The following GAD1 variants were observed in gnomAD, a reference collection of about 807,000 sequenced individuals.
GAD1 encodes glutamate decarboxylase 1.
In GAD1, 35 loss-of-function variants were observed where a neutral mutation model predicts 75.2. The ratio of observed to expected loss-of-function variants is 0.47; its 90% CI spans 0.36 to 0.62. The LOEUF (loss-of-function observed/expected upper bound fraction) is 0.62. Among genes scored for constraint, GAD1 ranks in the 20% least tolerant of loss-of-function variants. The pLI, the probability that GAD1 is intolerant of heterozygous loss-of-function variation, is 0.00. For synonymous variants in GAD1, 257 were observed against 271.9 expected (o/e 0.95, Z 0.54); for missense variants, 490 against 758.5 (o/e 0.65, Z 4.16).
intron 6 of GAD1, 148 bp from the exon 7 acceptor site, chr2:170,843,897 G>A: frequency 6.1e-6 from 4 of 650,476 alleles, no homozygotes; most frequent in South Asian, 3.4e-5. Flanking sequence ...GCGACTTAAT[G>A]CATTTCCAGG....
intron 14 of GAD1, among the ~76,000 whole-genome samples, chr2:170,854,685 G>A (rs370390356): frequency 4.6e-5 from 7 of 152,226 alleles, no homozygotes; most frequent in Admixed American, 3.9e-4. Flanking sequence ...GATTACAGGC[G>A]TGAGCCACCG....
chr2:170,813,745 C>T (rs558858567), upstream of GAD1, among the ~76,000 whole-genome samples: 9 of 152,324 alleles, frequency 5.9e-5, no homozygotes, highest in East Asian at 1.7e-3. Context: ...CCCCACCCAC[C>T]CACGACGGGG....
chr2:170,832,822 T>G (rs1369278499), intron 5 of GAD1, among the ~76,000 whole-genome samples: 1 of 152,342 alleles, frequency 6.6e-6, no homozygotes, highest in East Asian at 1.9e-4. Flanking sequence ...CCAGGAGCTC[T>G]CTCTAATCAG....
In GAD1 at chr2:170,831,044, T is replaced by G; in HGVS notation, c.399T>G (p.Asp133Glu). 1 of 1,614,198 alleles carries G rather than the reference T, an allele frequency of 6.2e-7. No homozygotes were observed. The highest frequency in any genetic ancestry group is 8.5e-7 in the Non-Finnish European group (1 of 1,180,044). Residue 133 changes from aspartate to glutamate, a missense_variant, in exon 5 of 17, where the codon GAT becomes GAG. Physicochemically the swap from Asp to Glu is conservative, Grantham distance 45 (BLOSUM62 2). Around this residue, in one of 3 missense-constraint regions of GAD1, gnomAD observed 165 missense variants for 216.4 expected, o/e 0.76. Coordinates refer to ENST00000358196, the MANE Select transcript of GAD1 (RefSeq NM_000817.3). ...ILLNYVRKTF[D>E]RSTKVLDFHH... ...TCAACTATGTCCGCAAGACATTTGA[T>G]CGCTCCACCAAGGTGCTGGACTTTC...
chr2:170,850,041 G>A (rs1027629925), intron 12 of GAD1, among the ~76,000 whole-genome samples: 1 of 152,220 alleles, frequency 6.6e-6, no homozygotes, highest in African/African-American at 2.4e-5. Context: ...GATTCGTTCA[G>A]CATGTATTTA....
intron 6 of GAD1, chr2:170,842,586 A>G (rs372248912): frequency 1.9e-6 from 3 of 1,613,974 alleles, no homozygotes; most frequent in Non-Finnish European, 2.5e-6. Flanking sequence ...GACATGAGGG[A>G]GTGTTGGTTG....
chr2:170,823,612 C>A (rs1218754792), intron 3 of GAD1, among the ~76,000 whole-genome samples: 2 of 152,154 alleles, frequency 1.3e-5, no homozygotes, highest in African/African-American at 4.8e-5. Context: ...CCGGCGGCCG[C>A]GGATCTTTGT....
In GAD1 at chr2:170,818,520, T is replaced by C; in HGVS notation, c.-63-9T>C. On this transcript the variant is annotated splice_polypyrimidine_tract_variant and intron_variant, in intron 1 of 16. Coordinates refer to ENST00000358196, the MANE Select transcript of GAD1 (RefSeq NM_000817.3). This position sits in a 1 kb window ranked among gnomAD's most constrained non-coding sequence, Gnocchi z 5.9. ...GTCCTCCCCGCACAGCTCTCGCTTC[T>C]CTTTGCAGCCTGTTTCTGCGCCGGA... is the stretch of plus-strand genomic sequence containing the variant. The C allele has an allele frequency of 7.0e-7, 1 of 1,419,194 alleles. No individual in the cohort carries two copies. Among genetic ancestry groups the C allele is most frequent in the Non-Finnish European group, 1.0e-6 (1 of 1,002,520 alleles). The allele number at this position is 1,419,194 out of a possible 1,614,324, so 87.9% of individuals were successfully genotyped here. A position where few individuals can be genotyped will look rare whatever the true frequency, so the allele number is the denominator to read the frequency against.
chr2:170,847,885 G>A (rs1702668006), intron 11 of GAD1, 93 bp downstream of exon 11: 5 of 836,348 alleles, frequency 6.0e-6, no homozygotes, highest in South Asian at 5.3e-5. Context: ...GCCCCAGCCA[G>A]CCCTCTCTCC....
At chr2:170,815,311 T>G (rs1339867812), upstream of GAD1, among the ~76,000 whole-genome samples, 1 of 152,186 alleles carries the variant, frequency 6.6e-6, no homozygotes, top group Non-Finnish European at 1.5e-5. Context: ...ATGTTTTTTG[T>G]GTCCTTAAAA....
intron 6 of GAD1, among the ~76,000 whole-genome samples, chr2:170,839,606 T>A (rs1575438037): frequency 7.0e-6 from 1 of 142,596 alleles, no homozygotes; most frequent in Admixed American, 7.1e-5. Flanking sequence ...AGAACGAGAC[T>A]CCATCTCAAA....
At chr2:170,829,301 C>G (rs1240260827) in intron 3 of GAD1, 174 bp from the exon 4 acceptor site, 7 of 696,908 alleles carry the variant, frequency 1.0e-5, no homozygotes, top group African/African-American at 3.5e-5. Flanking sequence ...GGCACTGCCC[C>G]CCTCCCTGCC....
chr2:170,856,715 G>A (rs1354375421), intron 14 of GAD1, among the ~76,000 whole-genome samples: 1 of 152,126 alleles, frequency 6.6e-6, no homozygotes, highest in Non-Finnish European at 1.5e-5. Flanking sequence ...CAGTTGTGGA[G>A]TGGCCTCAGT....
Position 170,858,897 on chromosome 2 carries a change from T to C in GAD1, c.1611+4T>C, listed in dbSNP as rs773226578. On this transcript the variant is annotated splice_donor_region_variant and intron_variant, in intron 16 of 16. Coordinates refer to ENST00000358196, the MANE Select transcript of GAD1 (RefSeq NM_000817.3). Reference sequence around the variant, plus strand: ...ACGACGGGAAAAGCTACACAAGGTATGGACTTGCTTTTTGTCTCATCTAAT... The same window carrying C: ...ACGACGGGAAAAGCTACACAAGGTACGGACTTGCTTTTTGTCTCATCTAAT... 7 of 1,613,594 alleles carry C rather than the reference T, an allele frequency of 4.3e-6. No homozygotes were observed. Among genetic ancestry groups the C allele is most frequent in the Non-Finnish European group, 5.9e-6 (7 of 1,179,500 alleles).
intron 6 of GAD1, among the ~76,000 whole-genome samples, chr2:170,841,689 C>T (rs1305515734): frequency 1.3e-5 from 2 of 152,224 alleles, no homozygotes; most frequent in Admixed American, 1.3e-4. Flanking sequence ...GAATGAAGAA[C>T]ACCATGTCAG....
At chr2:170,822,802 G>A (rs1426005576) in intron 3 of GAD1, among the ~76,000 whole-genome samples, 5 of 152,226 alleles carry the variant, frequency 3.3e-5, no homozygotes, top group Non-Finnish European at 7.3e-5. Flanking sequence ...CCTGAGGGAG[G>A]CACGAGGGTT....
intron 5 of GAD1, among the ~76,000 whole-genome samples, chr2:170,832,392 C>T (rs1702253366): frequency 6.6e-6 from 1 of 152,122 alleles, no homozygotes; most frequent in South Asian, 2.1e-4. Context: ...TGGCCTTCAT[C>T]CTGTGTGTGT....
intron 3 of GAD1, among the ~76,000 whole-genome samples, chr2:170,822,928 A>G (rs1303339576): frequency 6.6e-6 from 1 of 152,242 alleles, no homozygotes. Flanking sequence ...GCTGGAGAGG[A>G]GAAAGAACTG....
At chr2:170,829,244 C>CT (rs1303497874) in intron 3 of GAD1, 6 of 571,156 alleles carry the variant, frequency 1.1e-5, no homozygotes, top group African/African-American at 5.6e-5. Context: ...GCTTCACTTA[C>CT]TGTTTTTCTC....
Sources: allele counts gnomAD v4.1 joint callset (sites outside exome capture counted in the v4.1 genomes callset), GRCh38; gene constraint gnomAD v4.1.1; regional missense constraint gnomAD v4.1.1; non-coding constraint Gnocchi (gnomAD v3.1); transcripts MANE v1.5; gene names NCBI Gene and HGNC (gene_info 2026-07-23, HGNC 2026-07-21).